The following SLC6A5 variants were observed in gnomAD, a reference collection of about 807,000 sequenced individuals.
SLC6A5 encodes sodium- and chloride-dependent glycine transporter 2.
SLC6A5 carries 58 observed loss-of-function variants against 90.5 expected under a neutral mutation model. The ratio of observed to expected loss-of-function variants is 0.64; its 90% CI spans 0.52 to 0.80. The LOEUF is 0.80. Ranked by LOEUF, SLC6A5 falls within the 30% of genes least tolerant of loss-of-function variation. The pLI is 0.00. For synonymous variants in SLC6A5, 427 were observed against 401.4 expected, an observed-to-expected ratio of 1.06 and a Z score of -0.76; for missense variants, 1,015 against 1,017.6, an observed-to-expected ratio of 1.00 and a Z score of 0.03.
At chr11:20,626,184 A>G (rs781665859) in intron 7 of SLC6A5, among the ~76,000 whole-genome samples, 5 of 152,256 alleles carry the variant, frequency 3.3e-5, no homozygotes, top group Non-Finnish European at 5.9e-5. Flanking sequence ...ATAAATGTCT[A>G]AGGTCACACA....
intron 5 of SLC6A5, among the ~76,000 whole-genome samples, chr11:20,613,533 A>G (rs1000285983): frequency 6.6e-6 from 1 of 152,180 alleles, no homozygotes; most frequent in African/African-American, 2.4e-5. Context: ...GATAATCATT[A>G]AAGTGTTCAA....
intron 14 of SLC6A5, among the ~76,000 whole-genome samples, chr11:20,648,762 G>A (rs1853470684): frequency 6.6e-6 from 1 of 152,134 alleles, no homozygotes; most frequent in African/African-American, 2.4e-5. Context: ...AAGATACTGT[G>A]CTTCAGAGGA....
intron 15 of SLC6A5, 50 bp downstream of exon 15, chr11:20,652,506 A>C (rs774924917): frequency 6.5e-7 from 1 of 1,540,170 alleles, no homozygotes; most frequent in East Asian, 2.2e-5. Context: ...GGGAAAGCCC[A>C]TAAAAGCTCT....
chr11:20,615,869 G>A (rs999431385), intron 6 of SLC6A5, among the ~76,000 whole-genome samples: 8 of 152,184 alleles, frequency 5.3e-5, no homozygotes, highest in Non-Finnish European at 1.0e-4. Context: ...GCTGCCTGTC[G>A]CATGTAAGGA....
chr11:20,656,292 T>G lies in SLC6A5; in HGVS notation c.*1424T>G, dbSNP rs991444705. The G allele has an allele frequency of 3.9e-5, 6 of 152,190 alleles. No individual in the cohort carries two copies. Among genetic ancestry groups the G allele is most frequent in the African/African-American group, 1.4e-4 (6 of 41,450 alleles). 9.4% of individuals were successfully genotyped at this position (152,190 alleles called of 1,614,324 possible). A position where few individuals can be genotyped will look rare whatever the true frequency, so the allele number is the denominator to read the frequency against. ...TTTGAATTCTGTAGAGATGGTGAGTTTAGTATAGTGTAGTCTGGGGATTTT... is the reference window on the plus strand; with the variant it reads ...TTTGAATTCTGTAGAGATGGTGAGTGTAGTATAGTGTAGTCTGGGGATTTT... On this transcript the variant is annotated 3_prime_UTR_variant, in exon 16 of 16. Coordinates refer to ENST00000525748, the MANE Select transcript of SLC6A5 (RefSeq NM_004211.5).
At chr11:20,626,093 A>T (rs1378245162) in intron 7 of SLC6A5, among the ~76,000 whole-genome samples, 7 of 152,350 alleles carry the variant, frequency 4.6e-5, no homozygotes, top group South Asian at 4.1e-4. Flanking sequence ...GCATTAGCTC[A>T]TTGAATCCTC....
chr11:20,628,083 G>A lies in SLC6A5; in HGVS notation c.1499G>A (p.Arg500Lys). ...SYNKFHNNCY[R>K]DTLIVTCTNS... ...AACAAATTCCACAACAACTGCTACA[G>A]GTATGTAGAGGTACTACAAGATCTG... The change falls in exon 9 of 16, where the codon AGG becomes AAG. Residue 500 changes from arginine (R) to lysine (K), a missense_variant and splice_region_variant. By Grantham distance (26) the Arg-to-Lys change is conservative. Around this residue, in one of 3 missense-constraint regions of SLC6A5, gnomAD observed 442 missense variants for 494.3 expected, o/e 0.89. Coordinates refer to ENST00000525748, the MANE Select transcript of SLC6A5 (RefSeq NM_004211.5). The A allele has an allele frequency of 1.2e-6, 2 of 1,606,486 alleles. No individual in the cohort carries two copies. The highest frequency in any genetic ancestry group is 1.7e-6 in the Non-Finnish European group (2 of 1,173,106).
intron 5 of SLC6A5, among the ~76,000 whole-genome samples, chr11:20,608,637 A>G (rs1852628294): frequency 6.6e-6 from 1 of 152,168 alleles, no homozygotes; most frequent in African/African-American, 2.4e-5. Context: ...TTTAAAGGGA[A>G]CCTAGAAACA....
intron 10 of SLC6A5, among the ~76,000 whole-genome samples, chr11:20,632,401 C>T (rs1853125419): frequency 6.6e-6 from 1 of 152,172 alleles, no homozygotes; most frequent in Admixed American, 6.5e-5. Context: ...ATTGCAAAAA[C>T]TCAAACAGAA....
At chr11:20,642,098 A>G (rs902400478) in intron 13 of SLC6A5, among the ~76,000 whole-genome samples, 1 of 151,988 alleles carries the variant, frequency 6.6e-6, no homozygotes, top group African/African-American at 2.4e-5. Flanking sequence ...TTTGTGGGAT[A>G]TAGTACTAAA....
At chr11:20,602,430 G>A (rs368979201) in intron 2 of SLC6A5, among the ~76,000 whole-genome samples, 15 of 152,168 alleles carry the variant, frequency 9.9e-5, no homozygotes, top group African/African-American at 3.6e-4. Context: ...TTTTGCTGGT[G>A]GCCCACTCTC....
At chr11:20,605,867 A>G (rs1852569391) in intron 3 of SLC6A5, among the ~76,000 whole-genome samples, 1 of 152,204 alleles carries the variant, frequency 6.6e-6, no homozygotes, top group Admixed American at 6.5e-5. Flanking sequence ...CTGTCTTGAG[A>G]GGATAAAGCA....
chr11:20,617,603 G>T (rs1458680705), intron 6 of SLC6A5, 149 bp from the exon 7 acceptor site: 1 of 719,612 alleles, frequency 1.4e-6, no homozygotes, highest in African/African-American at 1.7e-5. Flanking sequence ...ACAGCCTGAT[G>T]TGATTAGGTT....
chr11:20,645,156 C>T (rs2133817540), intron 13 of SLC6A5, among the ~76,000 whole-genome samples: 1 of 152,202 alleles, frequency 6.6e-6, no homozygotes, highest in South Asian at 2.1e-4. Flanking sequence ...CTATTCCATT[C>T]TGCAGAAGGA....
chr11:20,638,505 A>G lies in SLC6A5; in HGVS notation c.1916A>G (p.Tyr639Cys). Reference sequence around the variant, plus strand: ...CTTGTGGACACCTATGCTGCCTCCTATGCCCTTGTCATCATTGCCATTTTT... The same window carrying G: ...CTTGTGGACACCTATGCTGCCTCCTGTGCCCTTGTCATCATTGCCATTTTT... ...FQLVDTYAAS[Y>C]ALVIIAIFEL... The change falls in exon 13 of 16, where the codon TAT becomes TGT. Residue 639 changes from tyrosine to cysteine, a missense_variant. Around this residue, in one of 3 missense-constraint regions of SLC6A5, gnomAD observed 442 missense variants for 494.3 expected, o/e 0.89. Transcript: ENST00000525748. 6.2e-7 allele frequency: 1 copy of G among 1,613,646 alleles called. No homozygotes were observed.
intron 5 of SLC6A5, among the ~76,000 whole-genome samples, chr11:20,608,291 G>A (rs10500882): frequency 0.21 from 32,359 of 152,166 alleles, 3,963 homozygotes; most frequent in Non-Finnish European, 0.27. Context: ...AGATGCTTCA[G>A]ATGTGAAATA....
chr11:20,602,704 CACACAT>C (rs1276365857), intron 2 of SLC6A5, among the ~76,000 whole-genome samples: 4 of 150,960 alleles, frequency 2.6e-5, no homozygotes, highest in East Asian at 4.4e-4. Flanking sequence ...CACACACACA[CACACAT>C]ACACATTCAC....
chr11:20,653,645 A>G (rs1257321846), intron 15 of SLC6A5, among the ~76,000 whole-genome samples: 1 of 152,194 alleles, frequency 6.6e-6, no homozygotes, highest in Non-Finnish European at 1.5e-5. Context: ...AGGTGTAGGA[A>G]TCTTTTTACT....
chr11:20,651,083 T>G (rs944739348), intron 14 of SLC6A5, among the ~76,000 whole-genome samples: 2 of 152,156 alleles, frequency 1.3e-5, no homozygotes, highest in African/African-American at 4.8e-5. Flanking sequence ...ACTCTGTGTC[T>G]CACTCAGCCA....
Sources: allele counts gnomAD v4.1 joint callset (sites outside exome capture counted in the v4.1 genomes callset), GRCh38; gene constraint gnomAD v4.1.1; regional missense constraint gnomAD v4.1.1; transcripts MANE v1.5; gene names NCBI Gene and HGNC (gene_info 2026-07-23, HGNC 2026-07-21).